KCTD16: variants seen among roughly 807,000 people sequenced by gnomAD.
The protein encoded by KCTD16 is BTB/POZ domain-containing protein KCTD16.
KCTD16 carries 13 observed loss-of-function variants against 33.2 expected under a neutral mutation model. The ratio of observed to expected loss-of-function variants is 0.39; its 90% CI spans 0.25 to 0.62. The LOEUF is 0.62. KCTD16 is among the 20% of genes least tolerant of loss of function. KCTD16 has a pLI of 0.50. For missense variants in KCTD16, 441 were observed against 525.1 expected (o/e 0.84, Z 1.57); for synonymous variants, 197 against 195.3 (o/e 1.01, Z -0.07).
chr5:144,194,142 A>C lies in KCTD16; in HGVS notation c.-326-12247A>C, dbSNP rs574130531. ...AGACTGAATTAGTCAACAAGGGGGA[A>C]TATTTAGGAAGAAAGAAGAGAACAT... On this transcript the variant is annotated intron_variant, in intron 2 of 3. Coordinates refer to ENST00000512467, the MANE Select transcript of KCTD16 (RefSeq NM_020768.4). Among the ~76,000 whole-genome samples the C allele has an allele frequency of 3.3e-5, 5 of 152,250 alleles. No homozygotes were observed. In the South Asian group the frequency reaches 1.0e-3, roughly 32 times the overall value.
chr5:144,322,522 C>CAAAA (rs542954295), intron 3 of KCTD16, among the ~76,000 whole-genome samples: 3,033 of 151,140 alleles, frequency 0.02, 47 homozygotes, highest in Middle Eastern at 0.037. Context: ...AACAAACAAA[C>CAAAA]AAAAAAAACA....
chr5:144,364,656 C>A (rs1048431902), intron 3 of KCTD16, among the ~76,000 whole-genome samples: 2 of 152,172 alleles, frequency 1.3e-5, no homozygotes, highest in African/African-American at 2.4e-5. Context: ...GTTCAGATAA[C>A]CATGTACTGC....
intron 3 of KCTD16, among the ~76,000 whole-genome samples, chr5:144,343,997 G>A (rs1448592796): frequency 2.6e-5 from 4 of 152,006 alleles, no homozygotes; most frequent in Non-Finnish European, 4.4e-5. Context: ...CATGGTACTG[G>A]TACCAAAACA....
intron 3 of KCTD16, among the ~76,000 whole-genome samples, chr5:144,237,803 A>C (rs1754294525): frequency 6.6e-6 from 1 of 152,274 alleles, no homozygotes; most frequent in African/African-American, 2.4e-5. Context: ...AACTTAGCAC[A>C]AGGGATCTGT....
chr5:144,180,246 G>A (rs749292300), intron 2 of KCTD16, among the ~76,000 whole-genome samples: 1 of 152,162 alleles, frequency 6.6e-6, no homozygotes, highest in Non-Finnish European at 1.5e-5. Context: ...CTGAGCATTA[G>A]TGCACATGGG....
intron 3 of KCTD16, among the ~76,000 whole-genome samples, chr5:144,439,847 G>A (rs186250219): frequency 6.1e-4 from 93 of 152,062 alleles, no homozygotes; most frequent in African/African-American, 2.2e-3. Context: ...TGTATGTATG[G>A]TGACTTGTGG....
chr5:144,326,971 A>G (rs560561586), intron 3 of KCTD16, among the ~76,000 whole-genome samples: 127 of 152,326 alleles, frequency 8.3e-4, no homozygotes, highest in Non-Finnish European at 1.4e-3. Context: ...TTCTGAGAAA[A>G]TTCTGAGGAA....
At chr5:144,316,980 A>G (rs1004566118) in intron 3 of KCTD16, among the ~76,000 whole-genome samples, 3 of 151,810 alleles carry the variant, frequency 2.0e-5, no homozygotes, top group Admixed American at 6.6e-5. Context: ...GGTGCACGCC[A>G]CAACGCCCAG....
At chr5:144,274,450 G>C (rs756926632) in intron 3 of KCTD16, among the ~76,000 whole-genome samples, 3 of 152,144 alleles carry the variant, frequency 2.0e-5, no homozygotes, top group Non-Finnish European at 4.4e-5. Flanking sequence ...GAATGAGAAG[G>C]CAGAAGAAAT....
intron 3 of KCTD16, among the ~76,000 whole-genome samples, chr5:144,289,320 G>A (rs1481670473): frequency 6.6e-6 from 1 of 152,176 alleles, no homozygotes; most frequent in Non-Finnish European, 1.5e-5. Context: ...AGAGCAAATT[G>A]CAGGGATCAG....
intron 3 of KCTD16, among the ~76,000 whole-genome samples, chr5:144,227,939 A>G (rs139105752): frequency 6.6e-6 from 1 of 152,322 alleles, no homozygotes; most frequent in East Asian, 1.9e-4. Context: ...AACCTGAGGA[A>G]AGATTGCCTT....
At chr5:144,311,603 C>A (rs1291130133) in intron 3 of KCTD16, among the ~76,000 whole-genome samples, 4 of 152,132 alleles carry the variant, frequency 2.6e-5, no homozygotes, top group African/African-American at 9.7e-5. Flanking sequence ...AAAGAATACT[C>A]TGAAGCCATT....
rs144794968 is a variant in KCTD16 at position 144,450,993 on chromosome 5, AG to A, written c.833-22666del. On this transcript the variant is annotated intron_variant, in intron 3 of 3. Transcript: ENST00000512467. ...GAAATAAAAACAACAAAATGACAAA[AG>A]AACACAAGGAAATTTTGGAGGTGAT... Among the ~76,000 whole-genome samples, 532 of 152,254 alleles carry A rather than the reference AG, an allele frequency of 3.5e-3. 2 individuals carry two copies. Among genetic ancestry groups the A allele is most frequent in the African/African-American group, 0.012 (513 of 41,574 alleles).
Position 144,368,795 on chromosome 5 carries a change from A to G in KCTD16, c.833-104865A>G, listed in dbSNP as rs116315890. 2.2e-3 allele frequency among the ~76,000 whole-genome samples: 337 copies of G among 152,332 alleles called. 1 individual carries two copies. The highest frequency in any genetic ancestry group is 7.9e-3 in the African/African-American group (329 of 41,586). ...CTAGGCATAGTGCCAAGTCCTTTACAGTCATTCCACTGTAATCATCAAGAG... is the reference window on the plus strand; with the variant it reads ...CTAGGCATAGTGCCAAGTCCTTTACGGTCATTCCACTGTAATCATCAAGAG... On this transcript the variant is annotated intron_variant, in intron 3 of 3. Transcript: ENST00000512467.
intron 3 of KCTD16, among the ~76,000 whole-genome samples, chr5:144,381,685 C>T (rs1395444093): frequency 2.0e-5 from 3 of 152,230 alleles, no homozygotes; most frequent in East Asian, 1.9e-4. Flanking sequence ...TGGGATGGCC[C>T]AAGCCATTCA....
At position 144,211,685 on chromosome 5, in the gene KCTD16, G is replaced by A. The variant is rs187638508; in HGVS notation, c.832+4139G>A. On this transcript the variant is annotated intron_variant, in intron 3 of 3. Coordinates refer to ENST00000512467, the MANE Select transcript of KCTD16 (RefSeq NM_020768.4). ...AACATGTCCAGTTCAGGCATTTTGA[G>A]TAAGGGATATTCAACCTGTAATAAT... Among the ~76,000 whole-genome samples, 627 of 152,250 alleles carry A rather than the reference G, an allele frequency of 4.1e-3. 5 individuals carry two copies. Among genetic ancestry groups the A allele is most frequent in the African/African-American group, 0.015 (607 of 41,556 alleles).
At chr5:144,364,994 C>T (rs1186221036) in intron 3 of KCTD16, among the ~76,000 whole-genome samples, 1 of 150,510 alleles carries the variant, frequency 6.6e-6, no homozygotes, top group Non-Finnish European at 1.5e-5. Context: ...AAATGGGGTG[C>T]AAGTTAATAC....
intron 3 of KCTD16, among the ~76,000 whole-genome samples, chr5:144,304,188 T>TA (rs1352864739): frequency 1.3e-5 from 2 of 151,984 alleles, no homozygotes; most frequent in African/African-American, 2.4e-5. Flanking sequence ...TTAGATAGAA[T>TA]AAAAAAAGAC....
At chr5:144,311,980 T>C (rs1259320583) in intron 3 of KCTD16, among the ~76,000 whole-genome samples, 3 of 152,192 alleles carry the variant, frequency 2.0e-5, no homozygotes, top group African/African-American at 7.2e-5. Context: ...TTTTAAAACT[T>C]CTTCCCTCTG....
Sources: allele counts gnomAD v4.1 joint callset (sites outside exome capture counted in the v4.1 genomes callset), GRCh38; gene constraint gnomAD v4.1.1; transcripts MANE v1.5; gene names NCBI Gene and HGNC (gene_info 2026-07-23, HGNC 2026-07-21).